Variants in MRO observed in about 807,000 individuals in gnomAD.
MRO encodes maestro.
A neutral mutation model predicts 31.0 loss-of-function variants in MRO; 28 were observed. The observed-to-expected ratio is 0.90, with a 90% CI of 0.67 to 1.24. The LOEUF (loss-of-function observed/expected upper bound fraction) is 1.24, where lower values mean the gene tolerates loss of function less well. MRO is among the 50% of genes most tolerant of loss of function. MRO has a pLI of 0.00. For missense variants in MRO, 332 were observed against 289.2 expected (o/e 1.15, Z -1.07); for synonymous variants, 108 against 108.4 (o/e 1.00, Z 0.02).
chr18:50,824,993 T>A (rs2144694036), upstream of MRO, among the ~76,000 whole-genome samples: 1 of 149,218 alleles, frequency 6.7e-6, no homozygotes, highest in South Asian at 2.1e-4. Context: ...GAGAACCACC[T>A]GGGAGGCAGA....
chr18:50,822,840 C>T (rs959055841), upstream of MRO, among the ~76,000 whole-genome samples: 1 of 151,980 alleles, frequency 6.6e-6, no homozygotes, highest in African/African-American at 2.4e-5. Context: ...TACTGAGATC[C>T]TGCTTCCATG....
intron 5 of MRO, among the ~76,000 whole-genome samples, chr18:50,802,888 TAGTG>T (rs953814264): frequency 1.4e-5 from 2 of 147,482 alleles, no homozygotes; most frequent in Admixed American, 6.8e-5. Context: ...ATGGCTCTAT[TAGTG>T]AGTGTTTGTG....
intron 5 of MRO, among the ~76,000 whole-genome samples, chr18:50,801,889 G>A (rs971845248): frequency 8.5e-5 from 13 of 152,066 alleles, no homozygotes; most frequent in African/African-American, 2.9e-4. Flanking sequence ...GGAAAAGTAG[G>A]TCTACTTCCT....
At chr18:50,819,366 G>T in intron 2 of MRO, 7 of 888,270 alleles carry the variant, frequency 7.9e-6, no homozygotes, top group Non-Finnish European at 9.4e-6. Context: ...ACTATTGATC[G>T]ATTAACATAG....
At chr18:50,807,607 C>CATCTACAAACATTTCAGCAT (rs1914073342) in intron 3 of MRO, among the ~76,000 whole-genome samples, 6 of 55,070 alleles carry the variant, frequency 1.1e-4, no homozygotes, top group African/African-American at 1.6e-4. Context: ...CATTTCAGCA[C>CATCTACAAACATTTCAGCAT]TGATCTAGTA....
chr18:50,823,376 G>T (rs903068092), upstream of MRO, among the ~76,000 whole-genome samples: 1 of 152,200 alleles, frequency 6.6e-6, no homozygotes, highest in African/African-American at 2.4e-5. Context: ...AGGCAGGAGC[G>T]CCCCGTGGCC....
At chr18:50,815,265 G>A (rs1391313260) in intron 2 of MRO, 1 of 254,294 alleles carries the variant, frequency 3.9e-6, no homozygotes, top group African/African-American at 2.3e-5. Context: ...AGAGGTCATG[G>A]AAGTGGATCT....
chr18:50,808,530 C>T (rs151065347), intron 3 of MRO, among the ~76,000 whole-genome samples: 26 of 150,432 alleles, frequency 1.7e-4, no homozygotes, highest in Admixed American at 4.6e-4. Flanking sequence ...ATGATCTCAA[C>T]TCACTGCAGC....
At chr18:50,805,428 G>A (rs1327291535) in intron 4 of MRO, 92 bp from the exon 5 acceptor site, 6 of 978,396 alleles carry the variant, frequency 6.1e-6, no homozygotes, top group East Asian at 2.5e-5. Flanking sequence ...AATAACCTAG[G>A]ACTTGAACTA....
chr18:50,806,086 G>A (rs1362556691), intron 4 of MRO, among the ~76,000 whole-genome samples: 2 of 151,970 alleles, frequency 1.3e-5, no homozygotes, highest in Non-Finnish European at 2.9e-5. Context: ...ACCATGCCTG[G>A]GCAATTTTTT....
chr18:50,811,930 C>T (rs1246594513), intron 2 of MRO, among the ~76,000 whole-genome samples: 3 of 151,914 alleles, frequency 2.0e-5, no homozygotes, highest in Admixed American at 6.6e-5. Flanking sequence ...TTAGTAGACA[C>T]GGGGTTTCAG....
intron 5 of MRO, among the ~76,000 whole-genome samples, chr18:50,803,953 T>G (rs1913661089): frequency 6.6e-6 from 1 of 152,262 alleles, no homozygotes; most frequent in Non-Finnish European, 1.5e-5. Context: ...CTGACTCTTC[T>G]CAGTTTCGGG....
upstream of MRO, among the ~76,000 whole-genome samples, chr18:50,824,586 C>T (rs111721902): frequency 0.12 from 17,793 of 150,594 alleles, 1,114 homozygotes; most frequent in South Asian, 0.15. Context: ...TCCTTAGTAG[C>T]TGGGACTACA....
chr18:50,816,912 T>C (rs942073082), intron 2 of MRO, among the ~76,000 whole-genome samples: 2 of 152,166 alleles, frequency 1.3e-5, no homozygotes, highest in African/African-American at 2.4e-5. Context: ...CTCCTTTCCA[T>C]TGGTAAAGAA....
At chr18:50,809,212 C>G in intron 3 of MRO, 90 bp downstream of exon 3, 1 of 691,670 alleles carries the variant, frequency 1.4e-6, no homozygotes, top group South Asian at 2.2e-5. Context: ...TTCAGTGGAG[C>G]AGGCCTAACT....
At position 50,798,102 on chromosome 18, in the gene MRO, A is replaced by G. The variant is rs1229211581; in HGVS notation, c.*1235T>C. The G allele has an allele frequency of 6.6e-6, 1 of 152,138 alleles. No homozygotes were observed. Among genetic ancestry groups the G allele is most frequent in the Admixed American group, 6.5e-5 (1 of 15,268 alleles). The allele number at this position is 152,138 out of a possible 1,614,324, so 9.4% of individuals were successfully genotyped here. On this transcript the variant is annotated 3_prime_UTR_variant, in exon 8 of 8. Coordinates refer to ENST00000398439, the MANE Select transcript of MRO (RefSeq NM_031939.6). Reference sequence around the variant, plus strand: ...ACAAAACGCTCCGGGTGTGGCCTGGATACTGAATTCAGGGGTGGTACCAGA... The same window carrying G: ...ACAAAACGCTCCGGGTGTGGCCTGGGTACTGAATTCAGGGGTGGTACCAGA...
intron 5 of MRO, among the ~76,000 whole-genome samples, chr18:50,802,162 C>A (rs1913400068): frequency 6.6e-6 from 1 of 152,056 alleles, no homozygotes; most frequent in South Asian, 2.1e-4. Flanking sequence ...CACCAAAATT[C>A]ATTCAACCAG....
chr18:50,807,073 G>A (rs1914017638), intron 3 of MRO, among the ~76,000 whole-genome samples: 1 of 152,182 alleles, frequency 6.6e-6, no homozygotes, highest in African/African-American at 2.4e-5. Flanking sequence ...GCAGGCTGGT[G>A]TTGAGGTAGG....
Position 50,819,975 on chromosome 18 carries a change from C to G in MRO, c.-205G>C. ...CCCCTCCTTCTTCCCTCATGCCAGC[C>G]TGGTCGACACTTTCTGCAGAAATTC... On this transcript the variant is annotated 5_prime_UTR_variant, in exon 1 of 8. Coordinates refer to ENST00000398439, the MANE Select transcript of MRO (RefSeq NM_031939.6). The G allele has an allele frequency of 6.4e-7, 1 of 1,550,988 alleles. No individual in the cohort carries two copies. Among genetic ancestry groups the G allele is most frequent in the Admixed American group, 2.0e-5 (1 of 50,998 alleles).
Sources: allele counts gnomAD v4.1 joint callset (sites outside exome capture counted in the v4.1 genomes callset), GRCh38; gene constraint gnomAD v4.1.1; transcripts MANE v1.5; gene names NCBI Gene and HGNC (gene_info 2026-07-23, HGNC 2026-07-21).